The following PODNL1 variants were observed in gnomAD, a reference collection of about 807,000 sequenced individuals.
PODNL1 encodes podocan like 1.
A neutral mutation model predicts 45.1 loss-of-function variants in PODNL1; 50 were observed. The ratio of observed to expected loss-of-function variants is 1.11; its 90% CI spans 0.88 to 1.40. The LOEUF is 1.40. Among genes scored for constraint, PODNL1 ranks in the 40% most tolerant of loss-of-function variants. PODNL1 has a pLI of 0.00. For synonymous variants in PODNL1, 406 were observed against 372.5 expected (o/e 1.09, Z -1.04); for missense variants, 788 against 793.3 (o/e 0.99, Z 0.08).
rs544362584 is a variant in PODNL1 at position 13,938,311 on chromosome 19, C to A, written c.-130G>T. ...CCATCTCCAGACCCATGCCACCCCC[C>A]ACAACAGCCTGTTCTCCCGGGGCTT... On this transcript the variant is annotated 5_prime_UTR_variant, in exon 1 of 10. Transcript: ENST00000588872. The A allele has an allele frequency of 1.5e-5, 22 of 1,452,950 alleles. 1 individual carries two copies. The South Asian group carries it at 1.9e-4, about 12-fold the overall frequency. The allele number at this position is 1,452,950 out of a possible 1,614,324, so 90.0% of individuals were successfully genotyped here.
chr19:13,945,444 C>T lies in PODNL1; in HGVS notation c.19-7438G>A, dbSNP rs1270250895. On this transcript the variant is annotated intron_variant, in intron 1 of 7. Transcript: ENST00000538371. ...TGGAGGTGGAAGGATTGCATGAGCC[C>T]GGGAGTTCAAGACCAGCCTGAGAAA... Among the ~76,000 whole-genome samples the T allele has an allele frequency of 8.6e-5, 13 of 151,878 alleles. No homozygotes were observed. The South Asian group carries it at 1.7e-3, about 19-fold the overall frequency.
Position 13,938,384 on chromosome 19 carries a change from G to A in PODNL1, c.-203C>T, listed in dbSNP as rs910245169. ...TCCCCGCCCTGGGGAGGACGGGCAG[G>A]CGGCCGGATGGGGTGGTGAGGACAG... On this transcript the variant is annotated 5_prime_UTR_variant, in exon 1 of 10. Transcript: ENST00000588872. 2 of 1,394,636 alleles carry A rather than the reference G, an allele frequency of 1.4e-6. No homozygotes were observed. The highest frequency in any genetic ancestry group is 2.9e-5 in the African/African-American group (2 of 68,970). The allele number at this position is 1,394,636 out of a possible 1,614,324, so 86.4% of individuals were successfully genotyped here. A position where few individuals can be genotyped will look rare whatever the true frequency, so the allele number is the denominator to read the frequency against.
upstream of PODNL1, among the ~76,000 whole-genome samples, chr19:13,942,999 T>TA (rs1485746692): frequency 1.4e-5 from 2 of 143,948 alleles, no homozygotes; most frequent in Admixed American, 7.0e-5. Flanking sequence ...AGACTCTCTC[T>TA]AAAAAAAGAC....
Position 13,932,801 on chromosome 19 carries a change from G to GA in PODNL1, c.1421dup (p.Gln475ProfsTer9). The GA allele has an allele frequency of 6.2e-7, 1 of 1,613,050 alleles. No homozygotes were observed. The highest frequency in any genetic ancestry group is 1.1e-5 in the South Asian group (1 of 91,090). On this transcript the variant is annotated frameshift_variant, in exon 8 of 10. Coordinates refer to ENST00000588872, the MANE Select transcript of PODNL1 (RefSeq NM_001370095.3). LOFTEE classifies it high-confidence loss of function. ...GGCTAACCAGCCTGTGCCTGACCTG[G>GA]AGGGCTTGGAGCTCATGCCAGGTGC...
chr19:13,936,615 T>C (rs1972372427), intron 2 of PODNL1, among the ~76,000 whole-genome samples, 155 bp from the exon 3 acceptor site: 1 of 150,016 alleles, frequency 6.7e-6, no homozygotes. Context: ...CCCAGTCTTA[T>C]AACTGCCAAG....
intron 1 of PODNL1, among the ~76,000 whole-genome samples, chr19:13,947,755 A>G (rs904349255): frequency 6.6e-6 from 1 of 152,214 alleles, no homozygotes; most frequent in South Asian, 2.1e-4. Context: ...CAGATGCTAA[A>G]GTCATCATTA....
rs1446353574 is a variant in PODNL1, at chr19:13,934,369, A to G, written c.536T>C (p.Leu179Pro). The part of the protein sequence containing the change: ...LHNNQLSNAG[L>P]PPDAFRGSEA... Reference sequence around the variant, plus strand: ...GGAGCCGCGGAAGGCGTCGGGGGGCAGGCCAGCGTTGCTCAGCTGGTTGTT... The same window carrying G: ...GGAGCCGCGGAAGGCGTCGGGGGGCGGGCCAGCGTTGCTCAGCTGGTTGTT... The change falls in exon 6 of 10, where the codon CTG becomes CCG. Residue 179 changes from leucine to proline, a missense_variant. This residue lies in a region of PODNL1 where 762 missense variants were observed against 750.9 expected (regional missense o/e 1.01). Transcript: ENST00000588872. 1.9e-6 allele frequency: 3 copies of G among 1,553,404 alleles called. No homozygotes were observed. Among genetic ancestry groups the G allele is most frequent in the Non-Finnish European group, 1.7e-6 (2 of 1,151,576 alleles).
intron 5 of PODNL1, among the ~76,000 whole-genome samples, chr19:13,934,948 A>G (rs1443881554): frequency 3.3e-5 from 5 of 150,264 alleles, no homozygotes; most frequent in African/African-American, 4.9e-5. Flanking sequence ...CATTGTGTAC[A>G]TATGTGCATG....
In PODNL1 at chr19:13,934,529, G is replaced by A. The variant is rs576812317; in HGVS notation, c.495-119C>T. 4.2e-3 allele frequency: 4,160 copies of A among 992,072 alleles called. 99 individuals carry two copies. The African/African-American group carries it at 0.055, about 13-fold the overall frequency. The allele number at this position is 992,072 out of a possible 1,614,324, so 61.5% of individuals were successfully genotyped here. On this transcript the variant is annotated intron_variant, in intron 5 of 9. Transcript: ENST00000588872. Reference sequence around the variant, plus strand: ...TGTGTGTGTGTGTGTGTGTGTGTGCGCGCGCATGTGTGGAGTCTGTGTGGG... The same window carrying A: ...TGTGTGTGTGTGTGTGTGTGTGTGCACGCGCATGTGTGGAGTCTGTGTGGG...
chr19:13,945,825 G>T (rs900661808), intron 1 of PODNL1, among the ~76,000 whole-genome samples: 24 of 150,010 alleles, frequency 1.6e-4, no homozygotes, highest in Non-Finnish European at 3.0e-4. Flanking sequence ...GGAGGCAGAG[G>T]TTGCAGTAAG....
chr19:13,931,487 G>C lies in PODNL1; in HGVS notation c.*250C>G, dbSNP rs1250069201. The C allele has an allele frequency of 1.5e-5, 6 of 394,960 alleles. No homozygotes were observed. The highest frequency in any genetic ancestry group is 2.6e-5 in the Non-Finnish European group (6 of 226,694). The allele number at this position is 394,960 out of a possible 1,614,324, so 24.5% of individuals were successfully genotyped here. The stretch of plus-strand genomic sequence containing the variant: ...CCGTGCTGAGTGCTGGAAGGGTTTG[G>C]CTTTATTGTTGCTGCCTCCATCTGT... On this transcript the variant is annotated 3_prime_UTR_variant, in exon 10 of 10. Coordinates refer to ENST00000588872, the MANE Select transcript of PODNL1 (RefSeq NM_001370095.3).
intron 5 of PODNL1, among the ~76,000 whole-genome samples, chr19:13,934,866 T>C (rs1972231723): frequency 6.6e-6 from 1 of 151,798 alleles, no homozygotes; most frequent in African/African-American, 2.4e-5. Context: ...ATTGTGTGTG[T>C]GCAGCCGAGT....
rs937562071 is a variant in PODNL1, at chr19:13,931,956, C to T, written c.1574+8G>A. On this transcript the variant is annotated splice_region_variant and intron_variant, in intron 9 of 9. Coordinates refer to ENST00000588872, the MANE Select transcript of PODNL1 (RefSeq NM_001370095.3). ...CCACCTCCACCCCTCCGGTCACCCT[C>T]GGGGCACCTGAGGAAGAGGGCACGC... The T allele has an allele frequency of 1.5e-5, 19 of 1,232,302 alleles. No homozygotes were observed. The Admixed American group carries it at 6.7e-4, about 44-fold the overall frequency. The allele number at this position is 1,232,302 out of a possible 1,614,324, so 76.3% of individuals were successfully genotyped here.
Position 13,938,280 on chromosome 19 carries a change from C to A in PODNL1, c.-99G>T. On this transcript the variant is annotated 5_prime_UTR_variant, in exon 1 of 10. Coordinates refer to ENST00000588872, the MANE Select transcript of PODNL1 (RefSeq NM_001370095.3). ...CTGGAGCCTCTGCTGTGGCCACCAC[C>A]GCCCCCCATCTCCAGACCCATGCCA... 6.7e-7 allele frequency: 1 copy of A among 1,500,346 alleles called. No individual in the cohort carries two copies. Among genetic ancestry groups the A allele is most frequent in the Non-Finnish European group, 8.9e-7 (1 of 1,124,528 alleles). The allele number at this position is 1,500,346 out of a possible 1,614,324, so 92.9% of individuals were successfully genotyped here.
chr19:13,934,712 G>GTT (rs919394643), intron 5 of PODNL1, among the ~76,000 whole-genome samples: 14 of 151,874 alleles, frequency 9.2e-5, no homozygotes, highest in Admixed American at 8.5e-4. Flanking sequence ...GTATGTGATT[G>GTT]TAAGAGTGTG....
intron 1 of PODNL1, among the ~76,000 whole-genome samples, chr19:13,943,750 C>T (rs544928273): frequency 1.3e-5 from 2 of 152,080 alleles, no homozygotes; most frequent in South Asian, 4.2e-4. Flanking sequence ...GCGTGAGCCA[C>T]CGCGCCCAGC....
intron 1 of PODNL1, chr19:13,952,959 G>T: frequency 2.1e-6 from 2 of 943,746 alleles, no homozygotes; most frequent in Admixed American, 2.6e-5. Context: ...GGAGGAAGGG[G>T]GCGATCCAGG....
chr19:13,940,995 G>A (rs111273937), upstream of PODNL1, among the ~76,000 whole-genome samples: 845 of 152,218 alleles, frequency 5.6e-3, 6 homozygotes, highest in African/African-American at 0.018. Context: ...GCAGTGAGCC[G>A]TGTTCATGCT....
Position 13,933,045 on chromosome 19 carries a change from T to A in PODNL1, c.1178A>T (p.His393Leu), listed in dbSNP as rs762108865. Residue 393 changes from histidine to leucine, a missense_variant, in exon 8 of 10, where the codon CAC becomes CTC. Transcript: ENST00000588872. The surrounding 1 kb of genome is among the most constrained non-coding windows in gnomAD (Gnocchi z 5.2). ...ACGCAACCGGCGGAAGGCCCGGTGG[T>A]GCACACGGGCGCTGGCCAGGCGGTT... Reference protein sequence around the residue: ...AYNRLASARVHHRAFRRLRAL... With the variant: ...AYNRLASARVLHRAFRRLRAL... 6 of 1,536,902 alleles carry A rather than the reference T, an allele frequency of 3.9e-6. No individual in the cohort carries two copies. The highest frequency in any genetic ancestry group is 5.2e-6 in the Non-Finnish European group (6 of 1,146,898).
Sources: allele counts gnomAD v4.1 joint callset (sites outside exome capture counted in the v4.1 genomes callset), GRCh38; gene constraint gnomAD v4.1.1; regional missense constraint gnomAD v4.1.1; non-coding constraint Gnocchi (gnomAD v3.1); transcripts MANE v1.5; gene names NCBI Gene and HGNC (gene_info 2026-07-23, HGNC 2026-07-21).